APBB2: variants seen among roughly 807,000 people sequenced by gnomAD.
APBB2 encodes amyloid beta precursor protein binding family B member 2.
APBB2 carries 38 observed loss-of-function variants against 82.5 expected under a neutral mutation model. That is an observed-to-expected ratio of 0.46 (90% confidence interval 0.36 to 0.60). The LOEUF is 0.60. Ranked by LOEUF, APBB2 falls within the 20% of genes least tolerant of loss-of-function variation. APBB2 has a pLI of 0.00. For missense variants in APBB2, 772 were observed against 972.3 expected (o/e 0.79, Z 2.74); for synonymous variants, 341 against 368.2 (o/e 0.93, Z 0.85).
At chr4:41,208,675 CAAACA>C (rs2154080960) in intron 1 of APBB2, among the ~76,000 whole-genome samples, 2 of 152,314 alleles carry the variant, frequency 1.3e-5, no homozygotes, top group East Asian at 3.9e-4. Context: ...TATTACCTAG[CAAACA>C]AAGTTTGCAA....
rs149275975 is a variant in APBB2 at position 40,840,916 on chromosome 4, T to C, written c.1530-10339A>G. 3.9e-3 allele frequency among the ~76,000 whole-genome samples: 589 copies of C among 152,332 alleles called. 1 individual carries two copies. The highest frequency in any genetic ancestry group is 6.5e-3 in the Non-Finnish European group (442 of 68,028). ...CTGAAAATGTCCTCCCCATTGACTC[T>C]GATGGGACTGGCTGTTATTTTACAT... On this transcript the variant is annotated intron_variant, in intron 12 of 17. Coordinates refer to ENST00000508593, the MANE Select transcript of APBB2 (RefSeq NM_004307.2).
chr4:41,088,214 C>T (rs1487778766), intron 3 of APBB2, among the ~76,000 whole-genome samples: 1 of 152,186 alleles, frequency 6.6e-6, no homozygotes, highest in Non-Finnish European at 1.5e-5. Flanking sequence ...CTCAGGCTTC[C>T]TGTGTTCCTC....
intron 1 of APBB2, among the ~76,000 whole-genome samples, chr4:41,175,721 A>G (rs1267066519): frequency 2.0e-5 from 3 of 152,196 alleles, no homozygotes; most frequent in Non-Finnish European, 4.4e-5. Flanking sequence ...AACGAAAATG[A>G]AGTTGAATGT....
chr4:40,892,082 C>G (rs1013743504), intron 11 of APBB2, among the ~76,000 whole-genome samples: 1 of 151,870 alleles, frequency 6.6e-6, no homozygotes, highest in Admixed American at 6.6e-5. Context: ...TCTCGAGTAG[C>G]TGGGACTACA....
chr4:40,961,719 C>A (rs1257678452), intron 6 of APBB2, among the ~76,000 whole-genome samples: 1 of 129,434 alleles, frequency 7.7e-6, no homozygotes. Context: ...TTTCCTGATT[C>A]TCATCTGGCC....
intron 12 of APBB2, chr4:40,842,492 A>G (rs1343316306): frequency 4.5e-5 from 17 of 380,682 alleles, no homozygotes; most frequent in South Asian, 2.6e-4. Flanking sequence ...AGCTCATCTA[A>G]TTTCCCAACT....
intron 10 of APBB2, among the ~76,000 whole-genome samples, chr4:40,908,095 G>C (rs975496527): frequency 3.3e-5 from 5 of 151,786 alleles, no homozygotes; most frequent in Admixed American, 1.3e-4. Context: ...GTGTCTGTGT[G>C]TGTGTGTGGT....
chr4:40,996,461 GGT>G (rs1183427991), intron 6 of APBB2, among the ~76,000 whole-genome samples: 1 of 152,132 alleles, frequency 6.6e-6, no homozygotes, highest in African/African-American at 2.4e-5. Context: ...GCAGAAATTT[GGT>G]GTCCAGGTGA....
At chr4:40,967,028 C>T (rs559095812) in intron 6 of APBB2, among the ~76,000 whole-genome samples, 1 of 152,266 alleles carries the variant, frequency 6.6e-6, no homozygotes, top group South Asian at 2.1e-4. Context: ...CATGCACTTC[C>T]TCCCCTCTGA....
In APBB2 at chr4:41,166,731, AC is replaced by A. The variant is rs1231161497; in HGVS notation, c.-416-23590del. ...ACCAACATGGTGAAACCCTGTCTCTACTAAAAACACAAAAAATTAGCCGGGT... is the reference window on the plus strand; with the variant it reads ...ACCAACATGGTGAAACCCTGTCTCTATAAAAACACAAAAAATTAGCCGGGT... On this transcript the variant is annotated intron_variant, in intron 1 of 17. Transcript: ENST00000508593. Among the ~76,000 whole-genome samples the A allele has an allele frequency of 2.0e-5, 3 of 152,092 alleles. No individual in the cohort carries two copies. In the East Asian group the frequency reaches 5.8e-4, roughly 29 times the overall value.
chr4:41,002,529 A>G (rs148622811), intron 6 of APBB2, among the ~76,000 whole-genome samples: 24 of 152,326 alleles, frequency 1.6e-4, no homozygotes, highest in African/African-American at 5.8e-4. Flanking sequence ...TGTGTATACA[A>G]TGGCTAAGTC....
At chr4:40,885,956 A>T (rs1770104068) in intron 12 of APBB2, among the ~76,000 whole-genome samples, 1 of 152,026 alleles carries the variant, frequency 6.6e-6, no homozygotes, top group Non-Finnish European at 1.5e-5. Flanking sequence ...TCAAGGGAAA[A>T]CCGTGGATTA....
chr4:41,159,931 G>A (rs187748461), intron 1 of APBB2, among the ~76,000 whole-genome samples: 160 of 27,102 alleles, frequency 5.9e-3, no homozygotes, highest in Non-Finnish European at 8.7e-3. Context: ...GGAGGAGGAG[G>A]AGGAGGAGGA....
intron 1 of APBB2, among the ~76,000 whole-genome samples, chr4:41,178,318 T>G (rs77201756): frequency 0.042 from 6,390 of 152,286 alleles, 150 homozygotes; most frequent in Middle Eastern, 0.058. Flanking sequence ...AGCAATGTTG[T>G]GTTTAAGTCA....
intron 10 of APBB2, among the ~76,000 whole-genome samples, chr4:40,907,787 T>G (rs750688558): frequency 1.0e-4 from 15 of 150,208 alleles, no homozygotes; most frequent in Non-Finnish European, 2.2e-4. Flanking sequence ...CTCCCCTGAG[T>G]AGACGGGACT....
chr4:41,014,745 CT>C (rs1221994982), intron 5 of APBB2, among the ~76,000 whole-genome samples: 1 of 152,196 alleles, frequency 6.6e-6, no homozygotes, highest in Non-Finnish European at 1.5e-5. Flanking sequence ...AAATCATCCC[CT>C]TTCCAAATAT....
At chr4:41,025,562 A>G (rs764466236) in intron 5 of APBB2, among the ~76,000 whole-genome samples, 9 of 152,134 alleles carry the variant, frequency 5.9e-5, no homozygotes, top group Admixed American at 2.6e-4. Flanking sequence ...TGTTCACTGC[A>G]GCGCTATTCA....
At chr4:41,027,934 T>C (rs1049389765) in intron 5 of APBB2, among the ~76,000 whole-genome samples, 4 of 152,238 alleles carry the variant, frequency 2.6e-5, no homozygotes, top group African/African-American at 9.6e-5. Context: ...CCAACATCAA[T>C]TCAAGAGGAT....
chr4:40,935,023 G>C (rs1233734628), intron 8 of APBB2, 54 bp downstream of exon 8: 2 of 1,345,972 alleles, frequency 1.5e-6, no homozygotes, highest in Non-Finnish European at 2.0e-6. Flanking sequence ...TACAGCCACA[G>C]CCATGCAGAA....
Sources: gnomAD v4.1 joint callset for allele counts (sites outside exome capture counted in the v4.1 genomes callset) on GRCh38, gnomAD v4.1.1 for gene constraint, MANE v1.5 for transcripts, NCBI Gene and HGNC (gene_info 2026-07-23, HGNC 2026-07-21) for gene names.